Variants in ARHGAP27 observed in about 807,000 individuals in gnomAD.
ARHGAP27 encodes the protein rho GTPase-activating protein 27.
A neutral mutation model predicts 102.0 loss-of-function variants in ARHGAP27; 53 were observed. The ratio of observed to expected loss-of-function variants is 0.52; its 90% confidence interval spans 0.42 to 0.65. ARHGAP27 has a LOEUF of 0.65. Ranked by LOEUF, ARHGAP27 falls within the 30% of genes least tolerant of loss-of-function variation. The pLI, the probability that ARHGAP27 is intolerant of heterozygous loss-of-function variation, is 0.00. For synonymous variants in ARHGAP27, 525 were observed against 542.8 expected (o/e 0.97, Z 0.46); for missense variants, 1,117 against 1,256.2 (o/e 0.89, Z 1.68).
intron 4 of ARHGAP27, among the ~76,000 whole-genome samples, chr17:45,415,879 C>T (rs1850220794): frequency 6.6e-6 from 1 of 152,118 alleles, no homozygotes; most frequent in Admixed American, 6.5e-5. Context: ...GGATCCTGAA[C>T]CAAACAAACC....
At chr17:45,412,797 C>G (rs2048057484) in intron 4 of ARHGAP27, among the ~76,000 whole-genome samples, 1 of 152,052 alleles carries the variant, frequency 6.6e-6, no homozygotes, top group Non-Finnish European at 1.5e-5. Context: ...CCACAGGATC[C>G]TGGGCCTCAG....
Position 45,430,873 on chromosome 17 carries a change from C to G in ARHGAP27, c.-18-576G>C, listed in dbSNP as rs557213333. 3.2e-4 allele frequency among the ~76,000 whole-genome samples: 49 copies of G among 152,280 alleles called. No homozygotes were observed. Among genetic ancestry groups the G allele is most frequent in the African/African-American group, 1.1e-3 (45 of 41,562 alleles). On this transcript the variant is annotated intron_variant, in intron 3 of 19. Coordinates refer to ENST00000685559, the MANE Select transcript of ARHGAP27 (RefSeq NM_001282290.2). The surrounding 1 kb of genome is among the most constrained non-coding windows in gnomAD (Gnocchi z 4.4). The stretch of plus-strand genomic sequence containing the variant: ...TAGGGGGCCGAGCGAACAGCTCTAC[C>G]TGGGGGCTGTCGCTGCCCCCCTTAG...
chr17:45,405,885 C>A lies in ARHGAP27; in HGVS notation c.856G>T (p.Ala286Ser). 1 of 1,535,922 alleles carries A rather than the reference C, an allele frequency of 6.5e-7. No individual in the cohort carries two copies. The highest frequency in any genetic ancestry group is 1.2e-5 in the South Asian group (1 of 84,020). ...GAGGCAGGGGAGGTGGCTGGGCTGG[C>A]GGCACCCTCGGCAGCCTCAAAGGGC... ...ESPFEAAEGAASPATSPASVD... is the reference protein window; with the variant it reads ...ESPFEAAEGASSPATSPASVD... The change falls in exon 5 of 20, where the codon GCC (alanine) becomes TCC (serine). Residue 286 changes from alanine (A) to serine (S), a missense_variant. This residue lies in a region of ARHGAP27 where 610 missense variants were observed against 716.4 expected (regional missense o/e 0.85). Coordinates refer to ENST00000685559, the MANE Select transcript of ARHGAP27 (RefSeq NM_001282290.2).
intron 4 of ARHGAP27, chr17:45,410,190 G>A: frequency 6.5e-7 from 1 of 1,531,520 alleles, no homozygotes; most frequent in Non-Finnish European, 8.7e-7. Flanking sequence ...AGGGCTTGTG[G>A]TAGAGGCCCA....
chr17:45,415,547 T>G (rs962689290), intron 4 of ARHGAP27, among the ~76,000 whole-genome samples: 1 of 152,090 alleles, frequency 6.6e-6, no homozygotes, highest in African/African-American at 2.4e-5. Context: ...CAAATCAAAT[T>G]TGTCCTCTCC....
At chr17:45,396,387 CT>C in intron 16 of ARHGAP27, 99 bp downstream of exon 16, 1 of 1,469,464 alleles carries the variant, frequency 6.8e-7, no homozygotes, top group Non-Finnish European at 9.0e-7. Context: ...TACTTTCCCC[CT>C]GGACCCTGCG....
intron 4 of ARHGAP27, among the ~76,000 whole-genome samples, chr17:45,415,062 C>CAAAAAAA (rs546453138): frequency 1.6e-5 from 1 of 61,310 alleles, no homozygotes. Context: ...GAGTCCATCT[C>CAAAAAAA]AAAAAAAAAA....
chr17:45,396,965 CTCGCTCGACCCGAAG>C lies in ARHGAP27; in HGVS notation c.1887_1901del (p.Asp629_Ser633del), dbSNP rs1375321483. Reference sequence around the variant, plus strand: ...CTTTCTCCTGCCAGCTTCCCAAGCGCTCGCTCGACCCGAAGTCCACTCTGCTGCTCTCGCTCTCCT... The same window carrying C: ...CTTTCTCCTGCCAGCTTCCCAAGCGCTCCACTCTGCTGCTCTCGCTCTCCT... On this transcript the variant is annotated inframe_deletion, in exon 14 of 20. Transcript: ENST00000685559. The C allele has an allele frequency of 6.2e-7, 1 of 1,605,650 alleles. No individual in the cohort carries two copies. The highest frequency in any genetic ancestry group is 1.3e-5 in the African/African-American group (1 of 74,946).
Position 45,430,436 on chromosome 17 carries a change from A to C in ARHGAP27, c.-18-139T>G. The C allele has an allele frequency of 7.8e-7, 1 of 1,281,858 alleles. No homozygotes were observed. The highest frequency in any genetic ancestry group is 1.0e-6 in the Non-Finnish European group (1 of 960,430). The allele number at this position is 1,281,858 out of a possible 1,614,324, so 79.4% of individuals were successfully genotyped here. On this transcript the variant is annotated intron_variant, in intron 3 of 19. Transcript: ENST00000685559. This position sits in a 1 kb window ranked among gnomAD's most constrained non-coding sequence, Gnocchi z 4.4. Reference sequence around the variant, plus strand: ...TCGGGCCTCAGTTTTCCCATCTCTAAAATGGGAACTTGCATAAAATCACAT... The same window carrying C: ...TCGGGCCTCAGTTTTCCCATCTCTACAATGGGAACTTGCATAAAATCACAT...
At position 45,405,974 on chromosome 17, in the gene ARHGAP27, G is replaced by A. The variant is rs1240020400; in HGVS notation, c.767C>T (p.Thr256Met). Residue 256 changes from threonine to methionine, a missense_variant, in exon 5 of 20, where the codon ACG becomes ATG. This residue lies in a region of ARHGAP27 where 610 missense variants were observed against 716.4 expected (regional missense o/e 0.85). Coordinates refer to ENST00000685559, the MANE Select transcript of ARHGAP27 (RefSeq NM_001282290.2). Reference protein sequence around the residue: ...PLPSPVWETHTDAGTGRPYYY... With the variant: ...PLPSPVWETHMDAGTGRPYYY... ...GTAGGGGCGCCCGGTGCCCGCGTCC[G>A]TGTGCGTCTCCCACACCGGGCTGGG... 5.9e-6 allele frequency: 9 copies of A among 1,535,744 alleles called. No homozygotes were observed. Among genetic ancestry groups the A allele is most frequent in the African/African-American group, 1.4e-5 (1 of 72,992 alleles).
At chr17:45,402,997 G>T (rs564486781) in intron 11 of ARHGAP27, among the ~76,000 whole-genome samples, 179 bp from the exon 12 acceptor site, 1 of 152,342 alleles carries the variant, frequency 6.6e-6, no homozygotes, top group South Asian at 2.1e-4. Context: ...GAGCCTGCTG[G>T]CTGGCATGTC....
chr17:45,408,330 C>G (rs1017800662), intron 4 of ARHGAP27: 2 of 152,152 alleles, frequency 1.3e-5, no homozygotes, highest in African/African-American at 4.8e-5. Context: ...TCAAGTGCAC[C>G]TGTGTGTAAA....
At chr17:45,399,050 A>T (rs1328452487) in intron 12 of ARHGAP27, among the ~76,000 whole-genome samples, 1 of 152,192 alleles carries the variant, frequency 6.6e-6, no homozygotes, top group Non-Finnish European at 1.5e-5. Context: ...CTGACGCTCA[A>T]AGCCCTTTCT....
chr17:45,407,230 C>G (rs533192179), intron 4 of ARHGAP27, among the ~76,000 whole-genome samples: 1 of 152,178 alleles, frequency 6.6e-6, no homozygotes, highest in East Asian at 1.9e-4. Context: ...GAGGTCCCCA[C>G]CGTCCCTGCT....
At chr17:45,403,830 G>T in intron 10 of ARHGAP27, 121 bp from the exon 11 acceptor site, 1 of 1,019,448 alleles carries the variant, frequency 9.8e-7, no homozygotes, top group South Asian at 1.5e-5. Flanking sequence ...CCATTATGAG[G>T]GCTGGAATCC....
Position 45,405,690 on chromosome 17 carries a change from G to T in ARHGAP27, c.1051C>A (p.Pro351Thr). 6.3e-7 allele frequency: 1 copy of T among 1,596,780 alleles called. No homozygotes were observed. Residue 351 changes from proline to threonine, a missense_variant, in exon 5 of 20, where the codon CCA (proline) becomes ACA (threonine). Pro to Thr is a conservative substitution (Grantham distance 38, BLOSUM62 -1). Transcript: ENST00000685559. ...CTGCCCCTCACCCGCGGGTCCCCTG[G>T]GCTGCCAGGGCTCAGGCCCGGCTGC... ...EMQPGLSPGS[P>T]GDPRPPTPET...
intron 12 of ARHGAP27, among the ~76,000 whole-genome samples, chr17:45,401,379 A>C (rs2046420325): frequency 6.6e-6 from 1 of 152,164 alleles, no homozygotes; most frequent in African/African-American, 2.4e-5. Flanking sequence ...ACAAAACCCC[A>C]CAAGACTCCA....
chr17:45,429,158 G>T (rs565252510), intron 4 of ARHGAP27, among the ~76,000 whole-genome samples: 2 of 152,336 alleles, frequency 1.3e-5, no homozygotes, highest in South Asian at 4.1e-4. Flanking sequence ...CCCCCGTTCC[G>T]TGCCCAGATG....
intron 4 of ARHGAP27, chr17:45,425,594 GC>G (rs2049518451): frequency 2.0e-6 from 2 of 985,450 alleles, no homozygotes; most frequent in African/African-American, 1.7e-5. Context: ...AGGAATGAGG[GC>G]CCCGGGCTCC....
Sources: gnomAD v4.1 joint callset for allele counts (sites outside exome capture counted in the v4.1 genomes callset) on GRCh38, gnomAD v4.1.1 for gene constraint, gnomAD v4.1.1 regional missense constraint, Gnocchi (gnomAD v3.1) non-coding constraint, MANE v1.5 for transcripts, NCBI Gene and HGNC (gene_info 2026-07-23, HGNC 2026-07-21) for gene names.